IQGAP3: variants seen among roughly 807,000 people sequenced by gnomAD.
The protein encoded by IQGAP3 is IQ motif containing GTPase activating protein 3.
Under a neutral mutation model 208.2 loss-of-function variants are expected in IQGAP3, and 165 were observed. The observed-to-expected ratio is 0.79, with a 90% CI of 0.70 to 0.90. The LOEUF (loss-of-function observed/expected upper bound fraction) is 0.90. Among genes scored for constraint, IQGAP3 ranks in the 40% least tolerant of loss-of-function variants. The pLI is 0.00. For synonymous variants in IQGAP3, 703 were observed against 803.6 expected, an observed-to-expected ratio of 0.87 and a Z score of 2.12; for missense variants, 1,811 against 2,043.1, an observed-to-expected ratio of 0.89 and a Z score of 2.19.
chr1:156,559,680 G>A (rs751086935), intron 11 of IQGAP3, among the ~76,000 whole-genome samples: 4 of 152,216 alleles, frequency 2.6e-5, no homozygotes, highest in Non-Finnish European at 5.9e-5. Context: ...TGGGAGAAAT[G>A]TAACCCACAG....
chr1:156,564,288 A>C (rs1193225940), intron 5 of IQGAP3, among the ~76,000 whole-genome samples: 1 of 152,186 alleles, frequency 6.6e-6, no homozygotes, highest in Non-Finnish European at 1.5e-5. Context: ...TACACCATCC[A>C]TACTAAGTGT....
chr1:156,530,088 C>G lies in IQGAP3; in HGVS notation c.4404+17G>C. ...CACGTACACACAGGCACACGGAGCC[C>G]AGGCCCAGGTTGTTACCTTGGCCAG... On this transcript the variant is annotated intron_variant, in intron 34 of 37. Transcript: ENST00000361170. The G allele has an allele frequency of 6.3e-7, 1 of 1,575,200 alleles. No individual in the cohort carries two copies. Among genetic ancestry groups the G allele is most frequent in the Non-Finnish European group, 8.6e-7 (1 of 1,158,134 alleles).
At position 156,527,990 on chromosome 1, in the gene IQGAP3, G is replaced by A; in HGVS notation, c.4744C>T (p.Leu1582=). 1 of 1,614,012 alleles carries A rather than the reference G, an allele frequency of 6.2e-7. No individual in the cohort carries two copies. Among genetic ancestry groups the A allele is most frequent in the Non-Finnish European group, 8.5e-7 (1 of 1,179,926 alleles). The change falls in exon 37 of 38, where the codon CTG becomes TTG. Residue 1582 remains leucine, a synonymous_variant. Coordinates refer to ENST00000361170, the MANE Select transcript of IQGAP3 (RefSeq NM_178229.5). The part of the protein sequence containing the change: ...AGKFEVNAKF[L]GVDMERFQLH... Reference sequence around the variant, plus strand: ...TGAAATCGCTCCATGTCCACACCCAGGAACTTGGCATTTACTTCAAACTTT... The same window carrying A: ...TGAAATCGCTCCATGTCCACACCCAAGAACTTGGCATTTACTTCAAACTTT...
At position 156,561,724 on chromosome 1, in the gene IQGAP3, C is replaced by T. The variant is rs557745190; in HGVS notation, c.1041+114G>A. 28 of 1,036,074 alleles carry T rather than the reference C, an allele frequency of 2.7e-5. No homozygotes were observed. In the African/African-American group the frequency reaches 3.5e-4, roughly 13 times the overall value. The allele number at this position is 1,036,074 out of a possible 1,614,324, so 64.2% of individuals were successfully genotyped here. The stretch of plus-strand genomic sequence containing the variant: ...TTGGGGTGATTTAACCATTTAAACA[C>T]GTAGTCAGCACTTACAGAATACAAA... On this transcript the variant is annotated intron_variant, in intron 10 of 37. Coordinates refer to ENST00000361170, the MANE Select transcript of IQGAP3 (RefSeq NM_178229.5).
chr1:156,534,469 G>T (rs1235945453), intron 29 of IQGAP3, 32 bp downstream of exon 29: 1 of 1,462,938 alleles, frequency 6.8e-7, no homozygotes, highest in South Asian at 1.3e-5. Context: ...GAAGAGGGAA[G>T]AAAGGGGACA....
At chr1:156,546,849 T>A (rs1675266767) in intron 19 of IQGAP3, among the ~76,000 whole-genome samples, 1 of 152,212 alleles carries the variant, frequency 6.6e-6, no homozygotes, top group South Asian at 2.1e-4. Context: ...GATCTGCACA[T>A]CTGTCTCCCT....
intron 32 of IQGAP3, among the ~76,000 whole-genome samples, chr1:156,532,579 G>C (rs557035525): frequency 1.3e-5 from 2 of 152,124 alleles, no homozygotes; most frequent in East Asian, 1.9e-4. Context: ...AGGCGCAGTG[G>C]GTCAATCCTG....
At chr1:156,550,223 T>TCCCTC (rs760018575) in intron 16 of IQGAP3, 38 bp downstream of exon 16, 40 of 1,423,742 alleles carry the variant, frequency 2.8e-5, no homozygotes, top group Non-Finnish European at 9.9e-7. Flanking sequence ...CACATCACCA[T>TCCCTC]CCCTCCCCTC....
intron 36 of IQGAP3, 145 bp downstream of exon 36, chr1:156,528,364 C>A: frequency 1.5e-6 from 1 of 654,090 alleles, no homozygotes. Context: ...TCTGTCTGGG[C>A]ATGCTCTGTC....
chr1:156,566,226 C>T (rs2102444528), intron 3 of IQGAP3, 122 bp from the exon 4 acceptor site: 1 of 1,209,810 alleles, frequency 8.3e-7, no homozygotes, highest in South Asian at 1.3e-5. Context: ...GGACCACATC[C>T]TGTGGATTTT....
chr1:156,555,489 G>A (rs1043946851), intron 12 of IQGAP3, among the ~76,000 whole-genome samples: 3 of 152,156 alleles, frequency 2.0e-5, no homozygotes, highest in African/African-American at 7.2e-5. Context: ...ACCTCCCAAA[G>A]TGCTGGGATT....
At chr1:156,529,140 G>T in intron 34 of IQGAP3, 58 bp from the exon 35 acceptor site, 2 of 1,578,176 alleles carry the variant, frequency 1.3e-6, no homozygotes, top group South Asian at 1.1e-5. Context: ...AGAGCCTTAG[G>T]GCCTGACACA....
At chr1:156,538,396 C>A (rs914149712) in intron 26 of IQGAP3, among the ~76,000 whole-genome samples, 1 of 152,060 alleles carries the variant, frequency 6.6e-6, no homozygotes, top group Non-Finnish European at 1.5e-5. Flanking sequence ...ACCATGTTGG[C>A]CAGGCTGGTC....
At position 156,534,551 on chromosome 1, in the gene IQGAP3, C is replaced by T; in HGVS notation, c.3690G>A (p.Gln1230=). ...AAGKAFSGQS[Q]HLRVLNDYLE... ...GATAGTCATTCAGGACCCGTAGGTG[C>T]TGGCTCTGCCCAGAGAAGGCCTTGC... is the stretch of plus-strand genomic sequence containing the variant. The change falls in exon 29 of 38, where the codon CAG becomes CAA. Residue 1230 remains glutamine (Q), a synonymous_variant. Coordinates refer to ENST00000361170, the MANE Select transcript of IQGAP3 (RefSeq NM_178229.5). 6.2e-7 allele frequency: 1 copy of T among 1,609,464 alleles called. No individual in the cohort carries two copies. The highest frequency in any genetic ancestry group is 2.2e-5 in the East Asian group (1 of 44,806).
At position 156,564,691 on chromosome 1, in the gene IQGAP3, T is replaced by C. The variant is rs1240535196; in HGVS notation, c.361A>G (p.Thr121Ala). 1.2e-6 allele frequency: 2 copies of C among 1,612,528 alleles called. No homozygotes were observed. Among genetic ancestry groups the C allele is most frequent in the East Asian group, 4.5e-5 (2 of 44,872 alleles). Reference protein sequence around the residue: ...SAIAHIGLPSTFFPETTDIYD... With the variant: ...SAIAHIGLPSAFFPETTDIYD... ...ATGTCCGTGGTCTCTGGGAAGAAGGTCTAGAGGAGAAACCAGCCAGTTACT... is the reference window on the plus strand; with the variant it reads ...ATGTCCGTGGTCTCTGGGAAGAAGGCCTAGAGGAGAAACCAGCCAGTTACT... Residue 121 changes from threonine (T) to alanine (A), a missense_variant and splice_region_variant, in exon 5 of 38, where the codon ACC (threonine) becomes GCC (alanine). Physicochemically the swap from Thr to Ala is moderately conservative, Grantham distance 58 (BLOSUM62 0). Coordinates refer to ENST00000361170, the MANE Select transcript of IQGAP3 (RefSeq NM_178229.5).
chr1:156,531,347 T>C, intron 32 of IQGAP3, 100 bp from the exon 33 acceptor site: 2 of 847,418 alleles, frequency 2.4e-6, no homozygotes, highest in South Asian at 2.7e-5. Context: ...CCGTGCTCTA[T>C]AGCATGGCTG....
chr1:156,547,806 G>A (rs928081367), intron 19 of IQGAP3, among the ~76,000 whole-genome samples: 9 of 152,160 alleles, frequency 5.9e-5, no homozygotes, highest in Non-Finnish European at 1.2e-4. Flanking sequence ...AGGTGCTATC[G>A]TTATCCCCAT....
Position 156,529,916 on chromosome 1 carries a change from CAAAAAAA to C in IQGAP3, c.4404+182_4404+188del, listed in dbSNP as rs57536386. On this transcript the variant is annotated intron_variant, in intron 34 of 37. Transcript: ENST00000361170. Reference sequence around the variant, plus strand: ...AGCCTGGATGAGAGTGAGACTGTCTCAAAAAAAAAAAAAAAAAAGAAAAAAAAATCTT... The same window carrying C: ...AGCCTGGATGAGAGTGAGACTGTCTCAAAAAAAAAAAGAAAAAAAAATCTT... 5.8e-5 allele frequency among the ~76,000 whole-genome samples: 4 copies of C among 69,000 alleles called. No homozygotes were observed. The Admixed American group carries it at 7.0e-4, about 12-fold the overall frequency. 45.3% of individuals were successfully genotyped at this position (69,000 alleles called of 152,430 possible).
chr1:156,570,805 CAA>C (rs942709743), intron 1 of IQGAP3, among the ~76,000 whole-genome samples: 1 of 152,168 alleles, frequency 6.6e-6, no homozygotes, highest in African/African-American at 2.4e-5. Flanking sequence ...CCACAGCGCC[CAA>C]AGATTATTAT....
Sources: gnomAD v4.1 joint callset for allele counts (sites outside exome capture counted in the v4.1 genomes callset) on GRCh38, gnomAD v4.1.1 for gene constraint, MANE v1.5 for transcripts, NCBI Gene and HGNC (gene_info 2026-07-23, HGNC 2026-07-21) for gene names.